Variants in BAZ2B observed in about 807,000 individuals in gnomAD.
The protein encoded by BAZ2B is bromodomain adjacent to zinc finger domain 2B.
BAZ2B carries 91 observed loss-of-function variants against 246.0 expected under a neutral mutation model. The observed-to-expected ratio is 0.37, with a 90% CI of 0.31 to 0.44. BAZ2B has a LOEUF of 0.44. Ranked by LOEUF, BAZ2B falls within the 20% of genes least tolerant of loss-of-function variation. The pLI, the probability that BAZ2B is intolerant of heterozygous loss-of-function variation, is 1.00. For synonymous variants in BAZ2B, 855 were observed against 860.0 expected (o/e 0.99, Z 0.10); for missense variants, 2,332 against 2,533.7 (o/e 0.92, Z 1.71).
chr2:159,602,547 G>A (rs1038843337), intron 1 of BAZ2B, among the ~76,000 whole-genome samples: 1 of 152,020 alleles, frequency 6.6e-6, no homozygotes, highest in Non-Finnish European at 1.5e-5. Flanking sequence ...TCTATAGTAT[G>A]GTTATGATGA....
At chr2:159,389,549 AATTATG>A in intron 20 of BAZ2B, 64 bp from the exon 21 acceptor site, 1 of 1,350,136 alleles carries the variant, frequency 7.4e-7, no homozygotes, top group Non-Finnish European at 9.8e-7. Flanking sequence ...ATAAACTTAG[AATTATG>A]TAGCAACATT....
intron 2 of BAZ2B, among the ~76,000 whole-genome samples, chr2:159,546,264 C>T (rs2087332673): frequency 6.6e-6 from 1 of 151,790 alleles, no homozygotes; most frequent in Admixed American, 6.6e-5. Flanking sequence ...GTGCGATGTT[C>T]TTGTGATAGT....
At chr2:159,659,827 T>C in the BAZ2B span, among the ~76,000 whole-genome samples, 1 of 152,218 alleles carries the variant, frequency 6.6e-6, no homozygotes. Context: ...TTCTGACAAA[T>C]TTATCCACTT....
At chr2:159,389,062 C>A (rs2062992333) in intron 21 of BAZ2B, among the ~76,000 whole-genome samples, 1 of 151,792 alleles carries the variant, frequency 6.6e-6, no homozygotes, top group African/African-American at 2.4e-5. Flanking sequence ...CTCTCTCCAG[C>A]CTAAATGACA....
At chr2:159,468,031 C>T (rs960349627) in intron 3 of BAZ2B, among the ~76,000 whole-genome samples, 6 of 152,066 alleles carry the variant, frequency 3.9e-5, no homozygotes, top group Admixed American at 3.3e-4. Flanking sequence ...AGTATGAGAC[C>T]CAAATTCAAT....
chr2:159,681,129 C>T, the BAZ2B span, among the ~76,000 whole-genome samples: 2 of 151,182 alleles, frequency 1.3e-5, no homozygotes, highest in Non-Finnish European at 2.9e-5. Flanking sequence ...GTAAGTTTTA[C>T]CATAAGAGAA....
At chr2:159,699,653 C>G in the BAZ2B span, among the ~76,000 whole-genome samples, 3 of 152,188 alleles carry the variant, frequency 2.0e-5, no homozygotes, top group Non-Finnish European at 1.5e-5. Context: ...TGCCTCAGCA[C>G]TTTGATTAAT....
chr2:159,344,263 T>A (rs112686998), intron 31 of BAZ2B, among the ~76,000 whole-genome samples: 325 of 151,450 alleles, frequency 2.1e-3, no homozygotes, highest in Middle Eastern at 0.01. Context: ...TCTGGCCGGG[T>A]GTGGTGGCTC....
chr2:159,443,070 A>C (rs11892347), intron 6 of BAZ2B, among the ~76,000 whole-genome samples: 60,524 of 151,966 alleles, frequency 0.4, 12,451 homozygotes, highest in Non-Finnish European at 0.47. Context: ...TGCAGAATCA[A>C]ATGGTAATTC....
chr2:159,483,734 T>C (rs2150969132), intron 2 of BAZ2B, among the ~76,000 whole-genome samples: 1 of 152,010 alleles, frequency 6.6e-6, no homozygotes, highest in East Asian at 1.9e-4. Flanking sequence ...TGAGCCAAGG[T>C]TGCACCACTG....
the BAZ2B span, among the ~76,000 whole-genome samples, chr2:159,623,825 A>G: frequency 5.9e-5 from 9 of 152,270 alleles, no homozygotes; most frequent in African/African-American, 2.2e-4. Flanking sequence ...AAGCCTGGAA[A>G]TAATCCAAAT....
At chr2:159,659,970 T>C in the BAZ2B span, among the ~76,000 whole-genome samples, 1 of 152,200 alleles carries the variant, frequency 6.6e-6, no homozygotes, top group African/African-American at 2.4e-5. Context: ...TAACATCAAT[T>C]TACTATTTTA....
rs35570732 is a variant in BAZ2B at position 159,377,812 on chromosome 2, C to CAAAAAAAA, written c.4006-3067_4006-3060dup. 2.1e-3 allele frequency among the ~76,000 whole-genome samples: 197 copies of CAAAAAAAA among 94,084 alleles called. 2 individuals carry two copies. Among genetic ancestry groups the CAAAAAAAA allele is most frequent in the African/African-American group, 7.0e-3 (173 of 24,654 alleles). 61.7% of individuals were successfully genotyped at this position (94,084 alleles called of 152,430 possible). A position where few individuals can be genotyped will look rare whatever the true frequency, so the allele number is the denominator to read the frequency against. Reference sequence around the variant, plus strand: ...GGGTGACAGAGCGAGACTCTGTCTCCAAAAAAAAAAAAAAAAAAGAAGTGA... The same window carrying CAAAAAAAA: ...GGGTGACAGAGCGAGACTCTGTCTCCAAAAAAAAAAAAAAAAAAAAAAAAAAGAAGTGA... On this transcript the variant is annotated intron_variant, in intron 25 of 36. Transcript: ENST00000392783.
chr2:159,500,233 T>G (rs887405882), intron 2 of BAZ2B, among the ~76,000 whole-genome samples: 3 of 152,216 alleles, frequency 2.0e-5, no homozygotes, highest in Non-Finnish European at 4.4e-5. Flanking sequence ...GTTTTCTGCA[T>G]ATGGCTAGCC....
the BAZ2B span, chr2:159,690,180 G>T: frequency 2.1e-6 from 1 of 480,058 alleles, no homozygotes. Flanking sequence ...CTGGTGACTA[G>T]CGTCTTTCCA....
At chr2:159,643,090 A>T in the BAZ2B span, among the ~76,000 whole-genome samples, 1 of 152,216 alleles carries the variant, frequency 6.6e-6, no homozygotes, top group Non-Finnish European at 1.5e-5. Context: ...AACTCCATTT[A>T]TGATAGACTT....
chr2:159,331,085 G>C (rs1206864983), intron 34 of BAZ2B, among the ~76,000 whole-genome samples: 1 of 152,142 alleles, frequency 6.6e-6, no homozygotes, highest in Non-Finnish European at 1.5e-5. Flanking sequence ...TGATGCAGGA[G>C]AAGGGAGAAC....
chr2:159,465,934 A>G (rs2076986336), intron 3 of BAZ2B, among the ~76,000 whole-genome samples: 1 of 152,030 alleles, frequency 6.6e-6, no homozygotes, highest in Non-Finnish European at 1.5e-5. Context: ...AAAATTCAAG[A>G]GACTTTATTT....
intron 31 of BAZ2B, among the ~76,000 whole-genome samples, chr2:159,341,833 C>T (rs2066786835): frequency 6.6e-6 from 1 of 152,064 alleles, no homozygotes; most frequent in South Asian, 2.1e-4. Flanking sequence ...AAAACAGAAA[C>T]ACAACATTCC....
Sources: gnomAD v4.1 joint callset for allele counts (sites outside exome capture counted in the v4.1 genomes callset) on GRCh38, gnomAD v4.1.1 for gene constraint, MANE v1.5 for transcripts, NCBI Gene and HGNC (gene_info 2026-07-23, HGNC 2026-07-21) for gene names.